Variants in MDM2 observed in about 807,000 individuals in gnomAD.
The protein encoded by MDM2 is E3 ubiquitin-protein ligase Mdm2.
A neutral mutation model predicts 64.3 loss-of-function variants in MDM2; 11 were observed. That is an observed-to-expected ratio of 0.17 (90% CI 0.11 to 0.28). MDM2 has a LOEUF of 0.28. MDM2 is among the 10% of genes least tolerant of loss of function. The pLI, the probability that MDM2 is intolerant of heterozygous loss-of-function variation, is 1.00. For missense variants in MDM2, 388 were observed against 577.1 expected (o/e 0.67, Z 3.36); for synonymous variants, 194 against 192.9 (o/e 1.01, Z -0.05).
intron 8 of MDM2, 116 bp downstream of exon 8, chr12:68,829,047 C>T: frequency 9.5e-7 from 1 of 1,048,598 alleles, no homozygotes; most frequent in Non-Finnish European, 1.4e-6. Flanking sequence ...ATAGAAAACA[C>T]AGTGCTAAAT....
chr12:68,843,911 G>A lies in MDM2; in HGVS notation c.*4062G>A, dbSNP rs1565753119. On this transcript the variant is annotated 3_prime_UTR_variant, in exon 11 of 11. Transcript: ENST00000258149. ...ATAATATTTCAGCTAGAACCTAGTA[G>A]AATCTGTTTTTTTCCTTTGGAGGTC... is the stretch of plus-strand genomic sequence containing the variant. The A allele has an allele frequency of 2.3e-5, 5 of 213,258 alleles. No homozygotes were observed. The South Asian group carries it at 9.3e-4, about 40-fold the overall frequency. 13.2% of individuals were successfully genotyped at this position (213,258 alleles called of 1,614,324 possible). A position where few individuals can be genotyped will look rare whatever the true frequency, so the allele number is the denominator to read the frequency against.
At position 68,820,359 on chromosome 12, in the gene MDM2, G is replaced by A. The variant is rs2136128984; in HGVS notation, c.343G>A (p.Val115Ile). 6.2e-7 allele frequency: 1 copy of A among 1,604,614 alleles called. No individual in the cohort carries two copies. Among genetic ancestry groups the A allele is most frequent in the Non-Finnish European group, 8.5e-7 (1 of 1,175,694 alleles). The change falls in exon 5 of 11, where the codon GTA becomes ATA. Residue 115 changes from valine to isoleucine, a missense_variant. This residue lies in a region of MDM2 where 168 missense variants were observed against 236.6 expected (regional missense o/e 0.71). Transcript: ENST00000258149. ...IYTMIYRNLV[V>I]VNQQESSDSG... ...TACCATGATCTACAGGAACTTGGTA[G>A]TAGTCAATCAGCAGGGTAAGTTAAT...
chr12:68,810,171 G>A (rs1307822690), intron 2 of MDM2, among the ~76,000 whole-genome samples: 2 of 152,014 alleles, frequency 1.3e-5, no homozygotes, highest in African/African-American at 2.4e-5. Context: ...AATTAGTCGG[G>A]CATGGTGGCG....
intron 5 of MDM2, among the ~76,000 whole-genome samples, chr12:68,823,765 A>T (rs1404491232): frequency 6.6e-6 from 1 of 152,196 alleles, no homozygotes; most frequent in African/African-American, 2.4e-5. Flanking sequence ...TTCTTGGACA[A>T]AAATCCTTTT....
In MDM2 at chr12:68,845,354, C is replaced by T; in HGVS notation, c.*5505C>T. On this transcript the variant is annotated 3_prime_UTR_variant, in exon 11 of 11. Coordinates refer to ENST00000258149, the MANE Select transcript of MDM2 (RefSeq NM_002392.6). ...TGAGGTAGATATCTGAAAGCACCAG[C>T]ACTTGGAAGGTGTTCAGAAGTAACA... 4.7e-6 allele frequency: 1 copy of T among 212,136 alleles called. No individual in the cohort carries two copies. The highest frequency in any genetic ancestry group is 9.5e-6 in the Non-Finnish European group (1 of 104,842). 13.1% of individuals were successfully genotyped at this position (212,136 alleles called of 1,614,324 possible).
At chr12:68,821,904 T>G (rs1881888154) in intron 5 of MDM2, among the ~76,000 whole-genome samples, 1 of 152,110 alleles carries the variant, frequency 6.6e-6, no homozygotes, top group Non-Finnish European at 1.5e-5. Flanking sequence ...GTCACCCTGC[T>G]TGAAGTGCAG....
At chr12:68,818,479 C>T (rs930636198) in intron 4 of MDM2, among the ~76,000 whole-genome samples, 3 of 149,698 alleles carry the variant, frequency 2.0e-5, no homozygotes, top group African/African-American at 7.3e-5. Flanking sequence ...GTGTTTTAAC[C>T]TAGTTATGAA....
At chr12:68,816,765 TAACA>T (rs1463472640) in intron 3 of MDM2, 43 bp from the exon 4 acceptor site, 1 of 1,471,574 alleles carries the variant, frequency 6.8e-7, no homozygotes, top group Non-Finnish European at 9.2e-7. Context: ...TATTTACAAC[TAACA>T]TTTAGTTTTC....
In MDM2 at chr12:68,809,222, C is replaced by T. The variant is rs1347430167; in HGVS notation, c.29C>T (p.Thr10Ile). 1.2e-6 allele frequency: 2 copies of T among 1,613,484 alleles called. No homozygotes were observed. The highest frequency in any genetic ancestry group is 2.7e-5 in the African/African-American group (2 of 74,876). The part of the protein sequence containing the change: MVRSRQMCN[T>I]NMSVPTDGAV... Reference sequence around the variant, plus strand: ...TTTCCTTGTAGGCAAATGTGCAATACCAACATGTCTGTACCTACTGATGGT... The same window carrying T: ...TTTCCTTGTAGGCAAATGTGCAATATCAACATGTCTGTACCTACTGATGGT... Residue 10 changes from threonine (T) to isoleucine (I), a missense_variant, in exon 2 of 11, where the codon ACC becomes ATC. Transcript: ENST00000258149.
intron 7 of MDM2, among the ~76,000 whole-genome samples, chr12:68,825,254 A>G (rs1328116364): frequency 3.3e-5 from 5 of 152,202 alleles, no homozygotes; most frequent in Non-Finnish European, 7.3e-5. Context: ...TATTTTCACC[A>G]TTATTCTTAG....
At chr12:68,826,566 T>C (rs1882337462) in intron 7 of MDM2, among the ~76,000 whole-genome samples, 1 of 148,740 alleles carries the variant, frequency 6.7e-6, no homozygotes. Context: ...GGAGAATCGC[T>C]TGAACCTGGG....
chr12:68,819,875 G>C (rs3730541), intron 4 of MDM2, among the ~76,000 whole-genome samples: 14,647 of 152,224 alleles, frequency 0.096, 2,358 homozygotes, highest in African/African-American at 0.33. Context: ...CTATTTAATG[G>C]ATTTTGCGTA....
In MDM2 at chr12:68,840,507, TTTGTTTG is replaced by T. The variant is rs1220647811; in HGVS notation, c.*661_*667del. On this transcript the variant is annotated 3_prime_UTR_variant, in exon 11 of 11. Transcript: ENST00000258149. ...TGTGAAAGATTTAGTTTTTTGTTTT[TTTGTTTG>T]TTTGTTTGTTTGTTTGTTTTGAGAT... 4 of 158,774 alleles carry T rather than the reference TTTGTTTG, an allele frequency of 2.5e-5. No individual in the cohort carries two copies. Among genetic ancestry groups the T allele is most frequent in the African/African-American group, 1.3e-4 (3 of 23,470 alleles). The allele number at this position is 158,774 out of a possible 1,614,324, so 9.8% of individuals were successfully genotyped here. A position where few individuals can be genotyped will look rare whatever the true frequency, so the allele number is the denominator to read the frequency against.
intron 3 of MDM2, among the ~76,000 whole-genome samples, chr12:68,815,309 T>C (rs561547377): frequency 1.3e-5 from 2 of 152,308 alleles, no homozygotes; most frequent in African/African-American, 2.4e-5. Flanking sequence ...GTATGTATTG[T>C]CTGATATAGT....
Position 68,845,143 on chromosome 12 carries a change from G to A in MDM2, c.*5294G>A, listed in dbSNP as rs1475118861. Reference sequence around the variant, plus strand: ...GTAACCACAAGTTGTTAATGGCATTGTGAAAAGTTTTTAGTTGCGCTTTAT... The same window carrying A: ...GTAACCACAAGTTGTTAATGGCATTATGAAAAGTTTTTAGTTGCGCTTTAT... On this transcript the variant is annotated 3_prime_UTR_variant, in exon 11 of 11. Coordinates refer to ENST00000258149, the MANE Select transcript of MDM2 (RefSeq NM_002392.6). 2 of 223,820 alleles carry A rather than the reference G, an allele frequency of 8.9e-6. No individual in the cohort carries two copies. Among genetic ancestry groups the A allele is most frequent in the African/African-American group, 4.5e-5 (2 of 44,726 alleles). The allele number at this position is 223,820 out of a possible 1,614,324, so 13.9% of individuals were successfully genotyped here.
intron 5 of MDM2, among the ~76,000 whole-genome samples, chr12:68,822,746 C>CTTTTTTTTTTTTTT (rs35863515): frequency 6.8e-6 from 1 of 146,396 alleles, no homozygotes; most frequent in African/African-American, 2.6e-5. Flanking sequence ...AACTTTGTCA[C>CTTTTTTTTTTTTTT]TTTTTTTTTT....
intron 2 of MDM2, among the ~76,000 whole-genome samples, 168 bp from the exon 3 acceptor site, chr12:68,813,384 CTG>C (rs1236664974): frequency 2.6e-5 from 4 of 152,178 alleles, no homozygotes; most frequent in Non-Finnish European, 4.4e-5. Flanking sequence ...TGGATACTGT[CTG>C]TGATCACAAC....
In MDM2 at chr12:68,839,957, CAT is replaced by C; in HGVS notation, c.*110_*111del. 1.0e-6 allele frequency: 1 copy of C among 986,566 alleles called. No individual in the cohort carries two copies. Among genetic ancestry groups the C allele is most frequent in the Non-Finnish European group, 1.5e-6 (1 of 682,082 alleles). 61.1% of individuals were successfully genotyped at this position (986,566 alleles called of 1,614,324 possible). On this transcript the variant is annotated 3_prime_UTR_variant, in exon 11 of 11. Coordinates refer to ENST00000258149, the MANE Select transcript of MDM2 (RefSeq NM_002392.6). The stretch of plus-strand genomic sequence containing the variant: ...CAAAGTGAGAAAATGCCTCAATTCA[CAT>C]AGATTTCTTCTCTTTAGTATAATTG...
chr12:68,841,060 G>A lies in MDM2; in HGVS notation c.*1211G>A, dbSNP rs776287289. On this transcript the variant is annotated 3_prime_UTR_variant, in exon 11 of 11. Coordinates refer to ENST00000258149, the MANE Select transcript of MDM2 (RefSeq NM_002392.6). ...AGGGTTTCACCATGTTAGCCAGGCT[G>A]ATCTTGAACTCCTAAACTCAAGTGA... 10 of 183,150 alleles carry A rather than the reference G, an allele frequency of 5.5e-5. No homozygotes were observed. The highest frequency in any genetic ancestry group is 9.3e-5 in the Non-Finnish European group (8 of 86,398). 11.3% of individuals were successfully genotyped at this position (183,150 alleles called of 1,614,324 possible). A position where few individuals can be genotyped will look rare whatever the true frequency, so the allele number is the denominator to read the frequency against.
Sources: allele counts gnomAD v4.1 joint callset (sites outside exome capture counted in the v4.1 genomes callset), GRCh38; gene constraint gnomAD v4.1.1; regional missense constraint gnomAD v4.1.1; transcripts MANE v1.5; gene names NCBI Gene and HGNC (gene_info 2026-07-23, HGNC 2026-07-21).